SLC6A6: variants seen among roughly 807,000 people sequenced by gnomAD.
The protein encoded by SLC6A6 is sodium- and chloride-dependent taurine transporter.
Under a neutral mutation model 68.8 loss-of-function variants are expected in SLC6A6, and 16 were observed. The ratio of observed to expected loss-of-function variants is 0.23; its 90% CI spans 0.16 to 0.35. SLC6A6 has a LOEUF of 0.35. Ranked by LOEUF, SLC6A6 falls within the 10% of genes least tolerant of loss-of-function variation. The probability of loss-of-function intolerance (pLI) is 1.00; values close to 1 mark genes in which losing one functional copy is unlikely to be tolerated. For missense variants in SLC6A6, 474 were observed against 802.8 expected, an observed-to-expected ratio of 0.59 and a Z score of 4.95; for synonymous variants, 312 against 315.4, an observed-to-expected ratio of 0.99 and a Z score of 0.12.
intron 2 of SLC6A6, among the ~76,000 whole-genome samples, chr3:14,418,874 G>A (rs1054959916): frequency 6.6e-6 from 1 of 152,172 alleles, no homozygotes; most frequent in African/African-American, 2.4e-5. Flanking sequence ...GGAAGGATTT[G>A]AACCTGATTG....
At chr3:14,483,826 C>A (rs1398961148) in intron 14 of SLC6A6, among the ~76,000 whole-genome samples, 1 of 152,070 alleles carries the variant, frequency 6.6e-6, no homozygotes, top group East Asian at 1.9e-4. Context: ...GGACTACAGG[C>A]ACGTACCACC....
At chr3:14,458,577 C>T (rs1225908872) in intron 6 of SLC6A6, among the ~76,000 whole-genome samples, 1 of 152,232 alleles carries the variant, frequency 6.6e-6, no homozygotes, top group Non-Finnish European at 1.5e-5. Flanking sequence ...TTGCAGGGAG[C>T]TTCGTGGGCC....
chr3:14,483,784 C>A (rs1338284587), intron 14 of SLC6A6, among the ~76,000 whole-genome samples: 1 of 152,120 alleles, frequency 6.6e-6, no homozygotes, highest in African/African-American at 2.4e-5. Flanking sequence ...TGGGCTCAAG[C>A]AATCTTCTTT....
intron 6 of SLC6A6, among the ~76,000 whole-genome samples, chr3:14,462,118 G>T (rs1334937187): frequency 6.6e-6 from 1 of 152,218 alleles, no homozygotes; most frequent in Non-Finnish European, 1.5e-5. Context: ...ACCACCAGAG[G>T]CCCCTGGCAG....
chr3:14,466,360 C>G (rs1432688274), intron 6 of SLC6A6, among the ~76,000 whole-genome samples, 156 bp from the exon 7 acceptor site: 1 of 151,432 alleles, frequency 6.6e-6, no homozygotes, highest in Non-Finnish European at 1.5e-5. Flanking sequence ...AGTGGTTAAG[C>G]AATGTGCCAA....
intron 9 of SLC6A6, among the ~76,000 whole-genome samples, chr3:14,470,992 C>T (rs79631829): frequency 8.4e-4 from 128 of 152,268 alleles, no homozygotes; most frequent in African/African-American, 3.1e-3. Context: ...GTGTTAACAC[C>T]GTATAATGTG....
chr3:14,468,879 A>T lies in SLC6A6; in HGVS notation c.1096+667A>T, dbSNP rs537928468. Among the ~76,000 whole-genome samples the T allele has an allele frequency of 3.9e-5, 6 of 152,136 alleles. No homozygotes were observed. Among genetic ancestry groups the T allele is most frequent in the African/African-American group, 1.4e-4 (6 of 41,496 alleles). ...CTACCTGGAGTCACAGGCATGGAGG[A>T]TGCCAGTGGCTTAGAATCACGGACT... On this transcript the variant is annotated intron_variant, in intron 9 of 14. Coordinates refer to ENST00000622186, the MANE Select transcript of SLC6A6 (RefSeq NM_003043.6). This position sits in a 1 kb window ranked among gnomAD's most constrained non-coding sequence, Gnocchi z 4.5.
intron 4 of SLC6A6, 97 bp downstream of exon 4, chr3:14,445,948 T>C (rs1700111706): frequency 1.6e-6 from 2 of 1,216,252 alleles, no homozygotes; most frequent in South Asian, 1.3e-5. Context: ...TGGAGCCTCA[T>C]GCACATCACT....
chr3:14,448,556 C>T (rs968574252), intron 5 of SLC6A6, among the ~76,000 whole-genome samples: 7 of 152,216 alleles, frequency 4.6e-5, no homozygotes, highest in Non-Finnish European at 1.0e-4. Flanking sequence ...AAGAAACGGT[C>T]AATCCCCGAA....
chr3:14,458,229 T>G, intron 6 of SLC6A6, 147 bp downstream of exon 6: 1 of 690,230 alleles, frequency 1.4e-6, no homozygotes, highest in Non-Finnish European at 2.5e-6. Flanking sequence ...TGGAAAAAAG[T>G]AAAACTCAGG....
rs1299695965 is a variant in SLC6A6 at position 14,477,395 on chromosome 3, A to G, written c.1347+53A>G. 6.3e-7 allele frequency: 1 copy of G among 1,584,354 alleles called. No homozygotes were observed. Among genetic ancestry groups the G allele is most frequent in the Non-Finnish European group, 8.6e-7 (1 of 1,156,392 alleles). ...GGCTTGGTGCTCCAGTGCCCTCCTC[A>G]AGGCCATAGTGGAGGCAGCAGCTGG... On this transcript the variant is annotated intron_variant, in intron 11 of 14. Transcript: ENST00000622186. This position sits in a 1 kb window ranked among gnomAD's most constrained non-coding sequence, Gnocchi z 4.2.
chr3:14,447,536 C>G, intron 4 of SLC6A6, 46 bp from the exon 5 acceptor site: 1 of 1,606,308 alleles, frequency 6.2e-7, no homozygotes, highest in Non-Finnish European at 8.5e-7. Flanking sequence ...CGTGGTGGGT[C>G]TGGCCTCCCT....
Position 14,425,990 on chromosome 3 carries a change from C to T in SLC6A6, c.-12+9537C>T, listed in dbSNP as rs73815274. Among the ~76,000 whole-genome samples, 298 of 152,296 alleles carry T rather than the reference C, an allele frequency of 2.0e-3. 1 individual carries two copies. Among genetic ancestry groups the T allele is most frequent in the African/African-American group, 6.9e-3 (288 of 41,530 alleles). On this transcript the variant is annotated intron_variant, in intron 2 of 14. Coordinates refer to ENST00000622186, the MANE Select transcript of SLC6A6 (RefSeq NM_003043.6). ...CTTGCAAGCATTGAGCACTGGGCCT[C>T]GCGCAGCCAGGGCTGTTAGCTGCTG...
intron 2 of SLC6A6, among the ~76,000 whole-genome samples, chr3:14,433,357 T>G (rs1699773997): frequency 6.6e-6 from 1 of 152,200 alleles, no homozygotes; most frequent in Admixed American, 6.5e-5. Flanking sequence ...TTGGGCTTCC[T>G]GCACAAGGAT....
intron 9 of SLC6A6, among the ~76,000 whole-genome samples, chr3:14,471,493 G>C (rs1700751303): frequency 6.6e-6 from 1 of 152,202 alleles, no homozygotes; most frequent in South Asian, 2.1e-4. Flanking sequence ...GGGAAACTGA[G>C]GCCCTGAGAG....
chr3:14,433,262 G>A (rs1339444425), intron 2 of SLC6A6, among the ~76,000 whole-genome samples: 1 of 152,102 alleles, frequency 6.6e-6, no homozygotes, highest in Admixed American at 6.5e-5. Flanking sequence ...AGCAGAGTGG[G>A]CAGATGACTT....
chr3:14,429,159 G>C (rs1699667451), intron 2 of SLC6A6, among the ~76,000 whole-genome samples: 1 of 152,194 alleles, frequency 6.6e-6, no homozygotes, highest in Non-Finnish European at 1.5e-5. Flanking sequence ...CCTTTGCCTT[G>C]ATTTCTCAAA....
At chr3:14,440,867 G>T (rs1303516374) in intron 2 of SLC6A6, among the ~76,000 whole-genome samples, 1 of 152,088 alleles carries the variant, frequency 6.6e-6, no homozygotes, top group Non-Finnish European at 1.5e-5. Flanking sequence ...CCTTAGAAAT[G>T]AGGAGTTGGG....
intron 1 of SLC6A6, among the ~76,000 whole-genome samples, chr3:14,416,074 G>A (rs980916746): frequency 2.6e-5 from 4 of 152,210 alleles, no homozygotes; most frequent in Non-Finnish European, 4.4e-5. Context: ...CAAGAGAGGG[G>A]CGTGTGTGAG....
Sources: gnomAD v4.1 joint callset for allele counts (sites outside exome capture counted in the v4.1 genomes callset) on GRCh38, gnomAD v4.1.1 for gene constraint, Gnocchi (gnomAD v3.1) non-coding constraint, MANE v1.5 for transcripts, NCBI Gene and HGNC (gene_info 2026-07-23, HGNC 2026-07-21) for gene names.